Variants in SERGEF observed in about 807,000 individuals in gnomAD.
SERGEF encodes secretion-regulating guanine nucleotide exchange factor.
In SERGEF, 51 loss-of-function variants were observed where a neutral mutation model predicts 50.0. The observed-to-expected ratio is 1.02, with a 90% CI of 0.81 to 1.29. The LOEUF (loss-of-function observed/expected upper bound fraction) is 1.29. Ranked by LOEUF, SERGEF falls within the 50% of genes most tolerant of loss-of-function variation. The probability of loss-of-function intolerance (pLI) is 0.00; values close to 1 mark genes in which losing one functional copy is unlikely to be tolerated. For synonymous variants in SERGEF, 205 were observed against 212.4 expected, an observed-to-expected ratio of 0.97 and a Z score of 0.30; for missense variants, 521 against 557.0, an observed-to-expected ratio of 0.94 and a Z score of 0.65.
At chr11:17,906,625 T>C (rs1274583421) in intron 9 of SERGEF, among the ~76,000 whole-genome samples, 8 of 152,128 alleles carry the variant, frequency 5.3e-5, no homozygotes, top group Non-Finnish European at 8.8e-5. Context: ...AGGAGGCCTG[T>C]TTCCTGACCC....
intron 9 of SERGEF, among the ~76,000 whole-genome samples, chr11:17,945,408 A>G (rs1315754214): frequency 6.6e-6 from 1 of 152,252 alleles, no homozygotes; most frequent in African/African-American, 2.4e-5. Context: ...TGTGGTGGCT[A>G]CTAGCCACAT....
intron 9 of SERGEF, among the ~76,000 whole-genome samples, chr11:17,917,414 G>T (rs190909654): frequency 6.6e-6 from 1 of 151,706 alleles, no homozygotes. Flanking sequence ...AATGACTCAG[G>T]GGGGAAGGGT....
intron 8 of SERGEF, among the ~76,000 whole-genome samples, chr11:17,965,020 T>A (rs1009366617): frequency 7.2e-5 from 11 of 152,238 alleles, no homozygotes; most frequent in Non-Finnish European, 1.3e-4. Context: ...CCTTTCTGTA[T>A]AGCATGTGCC....
At chr11:17,896,776 G>GT (rs1851645338) in intron 9 of SERGEF, among the ~76,000 whole-genome samples, 1 of 129,086 alleles carries the variant, frequency 7.7e-6, no homozygotes, top group Non-Finnish European at 1.7e-5. Context: ...AAGGGTAAGG[G>GT]AAGGGTAAGG....
At chr11:17,872,986 T>C (rs926122300) in intron 10 of SERGEF, among the ~76,000 whole-genome samples, 1 of 152,128 alleles carries the variant, frequency 6.6e-6, no homozygotes, top group African/African-American at 2.4e-5. Context: ...CAGAAGAAAC[T>C]AGTAACAGGC....
intron 9 of SERGEF, among the ~76,000 whole-genome samples, chr11:17,916,390 T>C (rs1852048987): frequency 6.6e-6 from 1 of 152,246 alleles, no homozygotes; most frequent in Non-Finnish European, 1.5e-5. Context: ...CATTTTGTGT[T>C]GGACATAGAT....
At chr11:17,867,428 A>G (rs113119421) in intron 10 of SERGEF, among the ~76,000 whole-genome samples, 12 of 152,382 alleles carry the variant, frequency 7.9e-5, no homozygotes, top group African/African-American at 2.9e-4. Flanking sequence ...GCTGATGTTA[A>G]CAGGTGGGTT....
intron 9 of SERGEF, among the ~76,000 whole-genome samples, chr11:17,927,103 G>T (rs974157402): frequency 6.6e-6 from 1 of 152,172 alleles, no homozygotes; most frequent in African/African-American, 2.4e-5. Context: ...CATCCTAAAA[G>T]AAAGAGTGCT....
chr11:17,986,520 TCAGA>T (rs1260380030), intron 8 of SERGEF, among the ~76,000 whole-genome samples: 2 of 152,190 alleles, frequency 1.3e-5, no homozygotes, highest in Non-Finnish European at 2.9e-5. Context: ...CTGGGGTGAC[TCAGA>T]CAGTGTCAGA....
At chr11:17,833,370 G>A (rs1033382523) in intron 10 of SERGEF, among the ~76,000 whole-genome samples, 1 of 152,236 alleles carries the variant, frequency 6.6e-6, no homozygotes, top group Non-Finnish European at 1.5e-5. Context: ...TTTCAGAAGT[G>A]TATAGAAAAG....
intron 10 of SERGEF, among the ~76,000 whole-genome samples, chr11:17,790,095 A>G (rs1234173689): frequency 6.6e-6 from 1 of 152,264 alleles, no homozygotes; most frequent in Admixed American, 6.5e-5. Flanking sequence ...GATTAAGAAC[A>G]TTAGCTAGCA....
chr11:17,831,096 A>G (rs890854781), intron 10 of SERGEF, among the ~76,000 whole-genome samples: 1 of 152,250 alleles, frequency 6.6e-6, no homozygotes, highest in Non-Finnish European at 1.5e-5. Context: ...CCAGGAAAAA[A>G]AACTATCTAA....
intron 9 of SERGEF, among the ~76,000 whole-genome samples, chr11:17,885,714 A>T (rs1851417884): frequency 6.6e-6 from 1 of 152,016 alleles, no homozygotes; most frequent in African/African-American, 2.4e-5. Context: ...TCCTTTCCTA[A>T]ATAAACCCTC....
chr11:17,996,591 G>A (rs1017545739), intron 5 of SERGEF, among the ~76,000 whole-genome samples: 1 of 143,522 alleles, frequency 7.0e-6, no homozygotes, highest in South Asian at 2.2e-4. Flanking sequence ...TGAAATTCTA[G>A]ATATTTGATC....
intron 10 of SERGEF, among the ~76,000 whole-genome samples, chr11:17,818,357 T>C (rs987903238): frequency 2.0e-5 from 3 of 152,100 alleles, no homozygotes; most frequent in African/African-American, 7.2e-5. Flanking sequence ...AGGGTGATTA[T>C]AAGAAAAAAA....
chr11:17,795,521 C>A (rs185112080), intron 10 of SERGEF, among the ~76,000 whole-genome samples: 8 of 152,320 alleles, frequency 5.3e-5, no homozygotes, highest in Admixed American at 2.6e-4. Context: ...CCTGTCTCCA[C>A]AGCACCTATG....
intron 5 of SERGEF, among the ~76,000 whole-genome samples, chr11:17,999,130 T>C (rs143129866): frequency 1.1e-3 from 172 of 152,290 alleles, no homozygotes; most frequent in African/African-American, 4.0e-3. Flanking sequence ...TTATAGAACA[T>C]TTTTGAAATG....
At chr11:17,987,691 C>T (rs1221499395) in intron 8 of SERGEF, among the ~76,000 whole-genome samples, 4 of 152,120 alleles carry the variant, frequency 2.6e-5, no homozygotes, top group African/African-American at 4.8e-5. Context: ...TATAGAAATG[C>T]GTAGTATATG....
At chr11:17,922,070 A>T (rs1852167350) in intron 9 of SERGEF, among the ~76,000 whole-genome samples, 1 of 152,210 alleles carries the variant, frequency 6.6e-6, no homozygotes, top group African/African-American at 2.4e-5. Context: ...ATTTCTCTTT[A>T]AAAGAGAACT....
Sources: allele counts gnomAD v4.1 joint callset (sites outside exome capture counted in the v4.1 genomes callset), GRCh38; gene constraint gnomAD v4.1.1; transcripts MANE v1.5; gene names NCBI Gene and HGNC (gene_info 2026-07-23, HGNC 2026-07-21).